Variants in BCCIP observed in about 807,000 individuals in gnomAD.
BCCIP encodes the protein BRCA2 and CDKN1A interacting protein.
In BCCIP, 23 loss-of-function variants were observed where a neutral mutation model predicts 32.8. The ratio of observed to expected loss-of-function variants is 0.70; its 90% confidence interval spans 0.51 to 0.99. BCCIP has a LOEUF of 0.99. Among genes scored for constraint, BCCIP ranks in the 50% least tolerant of loss-of-function variants. The pLI, the probability that BCCIP is intolerant of heterozygous loss-of-function variation, is 0.00. For missense variants in BCCIP, 378 were observed against 379.8 expected, an observed-to-expected ratio of 1.00 and a Z score of 0.04; for synonymous variants, 144 against 137.6, an observed-to-expected ratio of 1.05 and a Z score of -0.33.
chr10:125,838,454 T>G (rs1854771370), downstream of BCCIP: 2 of 1,398,688 alleles, frequency 1.4e-6, no homozygotes, highest in African/African-American at 1.5e-5. Context: ...CAAAGATGTT[T>G]GTTGAAAAAA....
chr10:125,830,757 T>C, intron 4 of BCCIP, 106 bp downstream of exon 4: 1 of 701,678 alleles, frequency 1.4e-6, no homozygotes, highest in South Asian at 1.9e-5. Flanking sequence ...ATATTAACTA[T>C]AGGGATAAGT....
chr10:125,826,714 C>A, intron 2 of BCCIP, 49 bp downstream of exon 2: 1 of 1,602,724 alleles, frequency 6.2e-7, no homozygotes. Context: ...TAAGAAAAAT[C>A]AGGGGCCGGG....
exon 7 of BCCIP, chr10:125,842,040 A>C (rs978595503): frequency 7.4e-7 from 1 of 1,350,300 alleles, no homozygotes; most frequent in Non-Finnish European, 9.7e-7. Flanking sequence ...AATGGACAAA[A>C]TATGTGAAAC....
At chr10:125,842,111 C>T (rs1564823103) in exon 7 of BCCIP, 1 of 817,332 alleles carries the variant, frequency 1.2e-6, no homozygotes, top group Non-Finnish European at 1.8e-6. Context: ...AGAGGGCAAA[C>T]TCAGGAGGGG....
intron 6 of BCCIP, 63 bp downstream of exon 6, chr10:125,834,009 A>C: frequency 1.3e-6 from 2 of 1,551,832 alleles, no homozygotes; most frequent in African/African-American, 1.4e-5. Context: ...TGATTTATCA[A>C]GATTTATTGT....
chr10:125,841,630 TG>T, exon 7 of BCCIP: 1 of 1,483,078 alleles, frequency 6.7e-7, no homozygotes, highest in Non-Finnish European at 8.9e-7. Context: ...TTAAATGAGT[TG>T]ATCACTATCT....
At chr10:125,852,583 C>G in intron 7 of BCCIP, 1 of 1,613,838 alleles carries the variant, frequency 6.2e-7, no homozygotes, top group Non-Finnish European at 8.5e-7. Flanking sequence ...GTATCTCTGC[C>G]TGGCTCTGGC....
At chr10:125,839,273 G>A, downstream of BCCIP, 1 of 1,403,384 alleles carries the variant, frequency 7.1e-7, no homozygotes, top group Non-Finnish European at 9.8e-7. Context: ...CCATCTTTAA[G>A]CCCTGTGCTC....
At chr10:125,825,978 A>G (rs1220279568) in intron 1 of BCCIP, 2 of 149,578 alleles carry the variant, frequency 1.3e-5, no homozygotes, top group Non-Finnish European at 3.0e-5. Context: ...TGTACCAGGA[A>G]CTCTCTTTGC....
At chr10:125,828,754 T>C (rs1854461146) in intron 3 of BCCIP, among the ~76,000 whole-genome samples, 1 of 152,210 alleles carries the variant, frequency 6.6e-6, no homozygotes, top group Non-Finnish European at 1.5e-5. Context: ...GGCTAATGGA[T>C]CTACAGTTTG....
chr10:125,842,876 A>G, downstream of BCCIP: 1 of 672,818 alleles, frequency 1.5e-6, no homozygotes, highest in Non-Finnish European at 1.8e-6. Context: ...ATATATGCTC[A>G]GTCTTTACCA....
chr10:125,841,024 A>G (rs750461534), downstream of BCCIP: 8 of 1,582,528 alleles, frequency 5.1e-6, no homozygotes, highest in South Asian at 8.0e-5. Context: ...TCACATGGTT[A>G]GCAATAATGA....
rs554549451 is a variant in BCCIP at position 125,831,321 on chromosome 10, C to T, written c.412-99C>T. ...ACGTTAAGGCTATGGCAGGAAACTG[C>T]CCTTAGCTGTAAGATGAAAAGTGAT... On this transcript the variant is annotated intron_variant, in intron 4 of 6. Transcript: ENST00000278100. The T allele has an allele frequency of 5.3e-4, 633 of 1,199,246 alleles. 1 individual carries two copies. The highest frequency in any genetic ancestry group is 1.0e-3 in the African/African-American group (65 of 65,286). The allele number at this position is 1,199,246 out of a possible 1,614,324, so 74.3% of individuals were successfully genotyped here. A position where few individuals can be genotyped will look rare whatever the true frequency, so the allele number is the denominator to read the frequency against.
chr10:125,826,375 G>A (rs1854389016), intron 1 of BCCIP: 1 of 631,776 alleles, frequency 1.6e-6, no homozygotes, highest in African/African-American at 1.9e-5. Context: ...TATCCTTTGT[G>A]GCTGCCGTGT....
chr10:125,830,803 A>G, intron 4 of BCCIP, 152 bp downstream of exon 4: 2 of 598,026 alleles, frequency 3.3e-6, no homozygotes, highest in Non-Finnish European at 5.9e-6. Flanking sequence ...CTTTTTCAAT[A>G]TGAAGGTGGT....
intron 5 of BCCIP, among the ~76,000 whole-genome samples, chr10:125,833,472 A>C (rs1378352885): frequency 1.3e-5 from 2 of 152,250 alleles, no homozygotes; most frequent in Non-Finnish European, 2.9e-5. Flanking sequence ...TAACTTATGC[A>C]CAGGCAGAGC....
At chr10:125,824,924 T>TGAGCATGGAGGG (rs1292587091) in intron 1 of BCCIP, among the ~76,000 whole-genome samples, 5 of 152,240 alleles carry the variant, frequency 3.3e-5, no homozygotes, top group African/African-American at 1.2e-4. Context: ...TGAGTCATGA[T>TGAGCATGGAGGG]GAGCATGGAG....
chr10:125,838,244 G>C (rs771795482), downstream of BCCIP: 2 of 1,612,408 alleles, frequency 1.2e-6, no homozygotes, highest in African/African-American at 1.3e-5. Flanking sequence ...TGATGTAGTT[G>C]TTCTCAGAAA....
chr10:125,838,363 C>T (rs757936936), downstream of BCCIP: 2 of 1,597,668 alleles, frequency 1.3e-6, no homozygotes. Context: ...AAGTAGTTAC[C>T]TGATCCATCA....
Sources: allele counts gnomAD v4.1 joint callset (sites outside exome capture counted in the v4.1 genomes callset), GRCh38; gene constraint gnomAD v4.1.1; transcripts MANE v1.5; gene names NCBI Gene and HGNC (gene_info 2026-07-23, HGNC 2026-07-21).